GDAP2: variants seen among roughly 807,000 people sequenced by gnomAD.
GDAP2 encodes ganglioside induced differentiation associated protein 2, also known as ganglioside-induced differentiation-associated protein 2.
In GDAP2, 51 loss-of-function variants were observed where a neutral mutation model predicts 67.0. The observed-to-expected ratio is 0.76, with a 90% CI of 0.61 to 0.96. GDAP2 has a LOEUF of 0.96. Among genes scored for constraint, GDAP2 ranks in the 40% least tolerant of loss-of-function variants. The probability of loss-of-function intolerance (pLI) is 0.00; values close to 1 mark genes in which losing one functional copy is unlikely to be tolerated. For synonymous variants in GDAP2, 203 were observed against 207.3 expected (o/e 0.98, Z 0.18); for missense variants, 547 against 588.3 (o/e 0.93, Z 0.73).
At chr1:117,922,802 A>G (rs1215480775) in intron 1 of GDAP2, among the ~76,000 whole-genome samples, 1 of 152,232 alleles carries the variant, frequency 6.6e-6, no homozygotes, top group Non-Finnish European at 1.5e-5. Context: ...CTGTGCACGC[A>G]TTGTCAGGGT....
intron 13 of GDAP2, among the ~76,000 whole-genome samples, chr1:117,872,685 T>A (rs1172218369): frequency 2.2e-4 from 7 of 31,420 alleles, no homozygotes; most frequent in Non-Finnish European, 3.7e-4. Flanking sequence ...TGGGGCCTGT[T>A]GGGGGAGGGT....
Position 117,881,846 on chromosome 1 carries a change from CA to C in GDAP2, c.1278del (p.Phe426LeufsTer23), listed in dbSNP as rs2065955535. On this transcript the variant is annotated frameshift_variant, in exon 12 of 14. Coordinates refer to ENST00000369443, the MANE Select transcript of GDAP2 (RefSeq NM_017686.4). LOFTEE classifies it high-confidence loss of function. ...ACCTTTGAACGAAATGTGGGATGTA[CA>C]AAATAAACAGCCTTCAAATTCCTCT... ...KYKRNLKAVY[F>X]VHPTFRSKVS... The C allele has an allele frequency of 1.9e-6, 3 of 1,579,436 alleles. No homozygotes were observed. The highest frequency in any genetic ancestry group is 2.6e-6 in the Non-Finnish European group (3 of 1,148,608).
At chr1:117,922,096 T>C (rs1420911038) in intron 1 of GDAP2, among the ~76,000 whole-genome samples, 1 of 152,172 alleles carries the variant, frequency 6.6e-6, no homozygotes, top group African/African-American at 2.4e-5. Context: ...GCTCATTCTA[T>C]GACCAAGTGT....
rs1000630030 is a variant in GDAP2 at position 117,863,602 on chromosome 1, A to G, written c.*6967T>C. 5 of 152,206 alleles carry G rather than the reference A, an allele frequency of 3.3e-5. No individual in the cohort carries two copies. The highest frequency in any genetic ancestry group is 9.7e-5 in the African/African-American group (4 of 41,450). 9.4% of individuals were successfully genotyped at this position (152,206 alleles called of 1,614,324 possible). A position where few individuals can be genotyped will look rare whatever the true frequency, so the allele number is the denominator to read the frequency against. On this transcript the variant is annotated 3_prime_UTR_variant, in exon 14 of 14. Transcript: ENST00000369443. ...ACAATTTTTAAAAGGAAATTTAGCT[A>G]TTTACCCCTCTACAGAATCACTGAT...
At chr1:117,895,394 T>C (rs1405457298) in intron 8 of GDAP2, among the ~76,000 whole-genome samples, 1 of 151,980 alleles carries the variant, frequency 6.6e-6, no homozygotes, top group South Asian at 2.1e-4. Flanking sequence ...ATTTGCAAGA[T>C]TAAAAAAAAA....
At chr1:117,905,325 T>G (rs1649618917) in intron 6 of GDAP2, among the ~76,000 whole-genome samples, 1 of 152,190 alleles carries the variant, frequency 6.6e-6, no homozygotes, top group East Asian at 1.9e-4. Context: ...TATCTAACTT[T>G]CATTTTCGCC....
At chr1:117,924,361 C>T (rs1234193983) in intron 1 of GDAP2, among the ~76,000 whole-genome samples, 1 of 152,192 alleles carries the variant, frequency 6.6e-6, no homozygotes, top group Admixed American at 6.5e-5. Context: ...GTAGCTCCCA[C>T]TTATAAGTGA....
intron 9 of GDAP2, 123 bp from the exon 10 acceptor site, chr1:117,886,776 T>A (rs532783334): frequency 1.6e-6 from 1 of 612,872 alleles, no homozygotes; most frequent in African/African-American, 1.9e-5. Flanking sequence ...GAAGTATAAG[T>A]TGCTCAAATT....
At chr1:117,890,821 C>T (rs1649051461) in intron 8 of GDAP2, among the ~76,000 whole-genome samples, 1 of 151,986 alleles carries the variant, frequency 6.6e-6, no homozygotes. Flanking sequence ...TTGGGTCTTA[C>T]ATTTTTGACT....
At chr1:117,894,276 A>C (rs186167952) in intron 8 of GDAP2, among the ~76,000 whole-genome samples, 1 of 152,182 alleles carries the variant, frequency 6.6e-6, no homozygotes, top group African/African-American at 2.4e-5. Context: ...CAGAGGCATG[A>C]GCCACCATGT....
Position 117,920,328 on chromosome 1 carries a change from A to T in GDAP2, c.30T>A (p.Phe10Leu). MDPLGAPSQ[F>L]VDVDTLPSWG... is the part of the protein sequence containing the mutation. ...AGCTTGGTAGTGTATCCACATCCAC[A>T]AACTGGGAAGGTGCACCTAAGGGAT... Residue 10 changes from phenylalanine (F) to leucine (L), a missense_variant, in exon 2 of 14, where the codon TTT becomes TTA. By Grantham distance (22) the Phe-to-Leu change is conservative. Transcript: ENST00000369443. The T allele has an allele frequency of 6.2e-7, 1 of 1,606,588 alleles. No individual in the cohort carries two copies. The highest frequency in any genetic ancestry group is 8.5e-7 in the Non-Finnish European group (1 of 1,176,750).
intron 1 of GDAP2, among the ~76,000 whole-genome samples, chr1:117,927,952 T>C (rs79579275): frequency 0.012 from 1,833 of 152,316 alleles, 35 homozygotes; most frequent in African/African-American, 0.041. Flanking sequence ...CCTTGAAACA[T>C]TGTATAAGGA....
At chr1:117,926,628 C>G (rs1650454871) in intron 1 of GDAP2, among the ~76,000 whole-genome samples, 1 of 152,110 alleles carries the variant, frequency 6.6e-6, no homozygotes, top group South Asian at 2.1e-4. Context: ...GTAATACATA[C>G]AGTAAATGGA....
intron 8 of GDAP2, among the ~76,000 whole-genome samples, chr1:117,893,238 A>G (rs1165311726): frequency 6.6e-6 from 1 of 152,166 alleles, no homozygotes; most frequent in Admixed American, 6.6e-5. Flanking sequence ...CTGTAAAATA[A>G]CTTGAAGAGT....
At chr1:117,907,628 AT>A (rs1649701781) in intron 5 of GDAP2, among the ~76,000 whole-genome samples, 1 of 152,100 alleles carries the variant, frequency 6.6e-6, no homozygotes, top group Non-Finnish European at 1.5e-5. Flanking sequence ...TTCATGCTGC[AT>A]TTTCAAATAG....
chr1:117,920,673 GCCCACCAATTCTACTTTCCAGAAA>G (rs201785626), intron 1 of GDAP2, among the ~76,000 whole-genome samples: 2,013 of 151,244 alleles, frequency 0.013, 36 homozygotes, highest in South Asian at 0.093. Context: ...ATAATCACAG[GCCCACCAATTCTACTTTCCAGAAA>G]CAGGACTATT....
At chr1:117,893,790 A>T (rs1649166862) in intron 8 of GDAP2, among the ~76,000 whole-genome samples, 1 of 152,222 alleles carries the variant, frequency 6.6e-6, no homozygotes, top group Non-Finnish European at 1.5e-5. Flanking sequence ...TATCTATATA[A>T]AACACAGACA....
chr1:117,897,371 T>C (rs907336393), intron 7 of GDAP2, among the ~76,000 whole-genome samples: 3 of 152,220 alleles, frequency 2.0e-5, no homozygotes, highest in Non-Finnish European at 4.4e-5. Context: ...GGAAGGTTTA[T>C]ATAGCACTGT....
Position 117,877,294 on chromosome 1 carries a change from T to G in GDAP2, c.1446+715A>C, listed in dbSNP as rs1648494088. 14 of 960,708 alleles carry G rather than the reference T, an allele frequency of 1.5e-5. No homozygotes were observed. The South Asian group carries it at 5.8e-4, about 40-fold the overall frequency. The allele number at this position is 960,708 out of a possible 1,614,324, so 59.5% of individuals were successfully genotyped here. On this transcript the variant is annotated intron_variant, in intron 13 of 13. Transcript: ENST00000369443. ...TAGGGAAGAATAATTCATTTCAAAC[T>G]TAATATAACTTTCAAATCTATCCCC...
Sources: gnomAD v4.1 joint callset for allele counts (sites outside exome capture counted in the v4.1 genomes callset) on GRCh38, gnomAD v4.1.1 for gene constraint, MANE v1.5 for transcripts, NCBI Gene and HGNC (gene_info 2026-07-23, HGNC 2026-07-21) for gene names.